The following RBM10 variants were observed in gnomAD, a reference collection of about 807,000 sequenced individuals.
RBM10 encodes RNA-binding protein 10.
Under a neutral mutation model 84.9 loss-of-function variants are expected in RBM10, and 1 was observed. The ratio of observed to expected loss-of-function variants is 0.01; its 90% CI spans 0.00 to 0.06. RBM10 has a LOEUF of 0.06. Ranked by LOEUF, RBM10 falls within the 10% of genes least tolerant of loss-of-function variation. The probability of loss-of-function intolerance (pLI) is 1.00; values close to 1 mark genes in which losing one functional copy is unlikely to be tolerated. For missense variants in RBM10, 438 were observed against 839.0 expected (o/e 0.52, Z 5.90); for synonymous variants, 326 against 344.5 (o/e 0.95, Z 0.60).
chrX:47,180,317 C>A lies in RBM10; in HGVS notation c.1160+8C>A. On this transcript the variant is annotated splice_region_variant and intron_variant, in intron 11 of 23. Transcript: ENST00000377604. ...TGCCAAGGGTTCTAAGAGGTCAGGG[C>A]CCCACCTGTGTGCCTTCCCACCCTT... is the stretch of plus-strand genomic sequence containing the variant. The A allele has an allele frequency of 8.4e-7, 1 of 1,187,570 alleles. No homozygotes were observed. The highest frequency in any genetic ancestry group is 1.1e-6 in the Non-Finnish European group (1 of 881,721).
chrX:47,172,086 A>G (rs1338091619), intron 4 of RBM10, among the ~76,000 whole-genome samples: 2 of 112,325 alleles, frequency 1.8e-5, no homozygotes, highest in Non-Finnish European at 3.8e-5. Context: ...GCCATGTGTT[A>G]GGTATGATTC....
intron 2 of RBM10, among the ~76,000 whole-genome samples, chrX:47,151,294 G>A (rs1480691698): frequency 9.0e-6 from 1 of 111,510 alleles, no homozygotes. Context: ...GCCTCCCAAA[G>A]TTCTGGGATT....
chrX:47,181,156 CCCCA>C, intron 12 of RBM10, 55 bp from the exon 13 acceptor site: 1 of 67,895 alleles, frequency 1.5e-5, no homozygotes, highest in Non-Finnish European at 2.7e-5. Flanking sequence ...CTAGCAGGTT[CCCCA>C]CCCCCCACCC....
chrX:47,184,501 CA>C (rs782087364), intron 17 of RBM10, among the ~76,000 whole-genome samples: 1 of 112,372 alleles, frequency 8.9e-6, no homozygotes, highest in African/African-American at 3.2e-5. Context: ...CTTTGAGGGA[CA>C]AAAAACATAG....
rs2147142577 is a variant in RBM10, at chrX:47,173,154, C to T, written c.459C>T (p.Gly153=). 1 of 1,212,273 alleles carries T rather than the reference C, an allele frequency of 8.2e-7. No individual in the cohort carries two copies. The highest frequency in any genetic ancestry group is 1.1e-6 in the Non-Finnish European group (1 of 895,623). ...DDIRGQLQSH[G]VQAREVRLMR... is the part of the protein sequence containing the mutation. ...TCCGTGGCCAGCTGCAGTCGCACGG[C>T]GTGCAAGCACGGGAGGTTCGGCTGA... is the stretch of plus-strand genomic sequence containing the variant. The change falls in exon 5 of 24, where the codon GGC becomes GGT. Residue 153 remains glycine (G), a synonymous_variant. Coordinates refer to ENST00000377604, the MANE Select transcript of RBM10 (RefSeq NM_005676.5).
intron 2 of RBM10, among the ~76,000 whole-genome samples, chrX:47,154,710 G>A (rs1457748935): frequency 1.8e-5 from 2 of 109,749 alleles, no homozygotes; most frequent in Admixed American, 2.0e-4. Flanking sequence ...TTCAGCCTCC[G>A]AAAGTGCTGG....
chrX:47,163,058 A>C (rs1207482801), intron 2 of RBM10, among the ~76,000 whole-genome samples: 1 of 105,796 alleles, frequency 9.5e-6, no homozygotes, highest in Non-Finnish European at 2.0e-5. Flanking sequence ...TGCTTCTCCA[A>C]AAAAAAAAAA....
At chrX:47,154,846 A>C (rs1331287846) in intron 2 of RBM10, among the ~76,000 whole-genome samples, 1 of 108,963 alleles carries the variant, frequency 9.2e-6, no homozygotes, top group East Asian at 3.0e-4. Flanking sequence ...CTAGGCATTT[A>C]CGGTAGGGAA....
At chrX:47,151,932 C>A (rs1384093165) in intron 2 of RBM10, among the ~76,000 whole-genome samples, 2 of 112,129 alleles carry the variant, frequency 1.8e-5, no homozygotes, top group African/African-American at 6.5e-5. Context: ...CCATTAATTT[C>A]ATAAATTGTG....
intron 2 of RBM10, among the ~76,000 whole-genome samples, chrX:47,166,557 C>T (rs184658167): frequency 9.2e-6 from 1 of 108,908 alleles, no homozygotes; most frequent in East Asian, 2.9e-4. Flanking sequence ...TAACCTAGAA[C>T]TCCTAGGCTC....
chrX:47,186,587 C>T lies in RBM10; in HGVS notation c.2781C>T (p.Asn927=), dbSNP rs368225286. Residue 927 remains asparagine, a synonymous_variant, in exon 24 of 24, where the codon AAC becomes AAT. Coordinates refer to ENST00000377604, the MANE Select transcript of RBM10 (RefSeq NM_005676.5). ...ACAAGACAATGGTGACCCGCTTCAA[C>T]GAGGCCCAGTGAGCAGCTTCAAGAG... ...TLHKTMVTRF[N]EAQ 1.4e-4 allele frequency: 166 copies of T among 1,210,492 alleles called. No individual in the cohort carries two copies. The highest frequency in any genetic ancestry group is 1.7e-4 in the Non-Finnish European group (156 of 895,282).
Position 47,158,470 on chromosome X carries a change from C to T in RBM10, c.18-10845C>T, listed in dbSNP as rs187845660. 1.2e-4 allele frequency among the ~76,000 whole-genome samples: 14 copies of T among 112,190 alleles called. No homozygotes were observed. The South Asian group carries it at 4.8e-3, about 38-fold the overall frequency. On this transcript the variant is annotated intron_variant, in intron 2 of 23. Transcript: ENST00000377604. ...CCAGGCTGGAGTACAGTGGTGCGATCGGCTCACTGTAACCTCCGCCTCCCT... is the reference window on the plus strand; with the variant it reads ...CCAGGCTGGAGTACAGTGGTGCGATTGGCTCACTGTAACCTCCGCCTCCCT...
Position 47,179,465 on chromosome X carries a change from T to C in RBM10, c.871T>C (p.Ser291Pro), listed in dbSNP as rs2147169397. 8.3e-7 allele frequency: 1 copy of C among 1,202,619 alleles called. No individual in the cohort carries two copies. The highest frequency in any genetic ancestry group is 1.8e-5 in the South Asian group (1 of 56,720). Residue 291 changes from serine to proline, a missense_variant, in exon 9 of 24, where the codon TCG becomes CCG. Transcript: ENST00000377604. ...VLASQALSQG[S>P]EPSSENANDT... ...GGCCTCCCAAGCCCTGTCACAGGGC[T>C]CGGAGCCAAGCTCAGAGAACGCCAA...
At chrX:47,170,613 G>A (rs1934574216) in intron 3 of RBM10, among the ~76,000 whole-genome samples, 1 of 112,538 alleles carries the variant, frequency 8.9e-6, no homozygotes, top group African/African-American at 3.2e-5. Flanking sequence ...TGGAACCGTA[G>A]GAGACATGCA....
intron 7 of RBM10, among the ~76,000 whole-genome samples, chrX:47,177,183 A>G (rs1935208163): frequency 8.9e-6 from 1 of 112,573 alleles, no homozygotes; most frequent in African/African-American, 3.2e-5. Context: ...CATGAAAGAA[A>G]AGCACAGAGC....
rs1263748348 is a variant in RBM10, at chrX:47,185,046, C to G, written c.1951-9C>G. On this transcript the variant is annotated splice_polypyrimidine_tract_variant and intron_variant, in intron 17 of 23. Coordinates refer to ENST00000377604, the MANE Select transcript of RBM10 (RefSeq NM_005676.5). Reference sequence around the variant, plus strand: ...GTTCTGGGAACCTCACCTCCACCCTCACCCCCAGATTGCCAAGGACATGGA... The same window carrying G: ...GTTCTGGGAACCTCACCTCCACCCTGACCCCCAGATTGCCAAGGACATGGA... 4 of 1,204,600 alleles carry G rather than the reference C, an allele frequency of 3.3e-6. No homozygotes were observed. Among genetic ancestry groups the G allele is most frequent in the Non-Finnish European group, 2.2e-6 (2 of 892,748 alleles).
rs781928381 is a variant in RBM10, at chrX:47,181,744, A to T, written c.1576-5A>T. On this transcript the variant is annotated splice_polypyrimidine_tract_variant and splice_region_variant and intron_variant, in intron 14 of 23. Transcript: ENST00000377604. ...CCCTGTTCTCCTGTCTGGCCCCATG[A>T]CCAGTCGTATACCATCATGTCACCC... is the stretch of plus-strand genomic sequence containing the variant. 8.3e-7 allele frequency: 1 copy of T among 1,208,903 alleles called. No homozygotes were observed. Among genetic ancestry groups the T allele is most frequent in the Non-Finnish European group, 1.1e-6 (1 of 895,010 alleles).
At chrX:47,183,211 T>A (rs1935664650) in intron 17 of RBM10, among the ~76,000 whole-genome samples, 1 of 111,596 alleles carries the variant, frequency 9.0e-6, no homozygotes. Flanking sequence ...AGTGATGGCA[T>A]TAAATGGAGA....
chrX:47,185,313 C>T lies in RBM10; in HGVS notation c.2112C>T (p.Ala704=), dbSNP rs1049338726. The T allele has an allele frequency of 3.3e-6, 4 of 1,210,542 alleles. No individual in the cohort carries two copies. Among genetic ancestry groups the T allele is most frequent in the Non-Finnish European group, 2.2e-6 (2 of 894,839 alleles). Residue 704 remains alanine, a synonymous_variant, in exon 19 of 24, where the codon GCC becomes GCT. Coordinates refer to ENST00000377604, the MANE Select transcript of RBM10 (RefSeq NM_005676.5). ...TCCCTCCACCCCAGGGAGCACTAGC[C>T]GAGAGACAGCACACCAGCATGGATC... ...YAILEKKGAL[A]ERQHTSMDLP...
Sources: allele counts gnomAD v4.1 joint callset (sites outside exome capture counted in the v4.1 genomes callset), GRCh38; gene constraint gnomAD v4.1.1; transcripts MANE v1.5; gene names NCBI Gene and HGNC (gene_info 2026-07-23, HGNC 2026-07-21).